Variants in EDEM2 observed in about 807,000 individuals in gnomAD.
EDEM2 encodes ER degradation enhancing alpha-mannosidase like protein 2.
In EDEM2, 39 loss-of-function variants were observed where a neutral mutation model predicts 64.8. That is an observed-to-expected ratio of 0.60 (90% CI 0.47 to 0.79). EDEM2 has a LOEUF of 0.79. Ranked by LOEUF, EDEM2 falls within the 30% of genes least tolerant of loss-of-function variation. The pLI is 0.00. For synonymous variants in EDEM2, 296 were observed against 291.5 expected, an observed-to-expected ratio of 1.02 and a Z score of -0.16; for missense variants, 609 against 731.3, an observed-to-expected ratio of 0.83 and a Z score of 1.93.
chr20:35,145,946 G>C (rs1273353859), intron 2 of EDEM2, among the ~76,000 whole-genome samples: 1 of 144,682 alleles, frequency 6.9e-6, no homozygotes, highest in Non-Finnish European at 1.5e-5. Flanking sequence ...AGTTTGAAGT[G>C]AGCCAAGATC....
At position 35,115,706 on chromosome 20, in the gene EDEM2, G is replaced by T; in HGVS notation, c.1464C>A (p.Cys488Ter). 1 of 1,614,210 alleles carries T rather than the reference G, an allele frequency of 6.2e-7. No individual in the cohort carries two copies. ...CCCACTGCTCTTCCTTCAGCCTCTG[G>T]CAGCAGTGCAGGGCGGCAGGGTCGA... is the stretch of plus-strand genomic sequence containing the variant. ...HPIDPAALHC[C>*]QRLKEEQWEV... Residue 488 changes from cysteine to a stop codon, truncating the protein, a stop_gained, in exon 11 of 11, where the codon TGC becomes TGA. Transcript: ENST00000374492. LOFTEE classifies it high-confidence loss of function.
chr20:35,140,068 A>T (rs909230990), intron 4 of EDEM2, among the ~76,000 whole-genome samples: 2 of 152,254 alleles, frequency 1.3e-5, no homozygotes, highest in African/African-American at 4.8e-5. Context: ...CAGTTGAATA[A>T]AGACATTTTC....
rs751838689 is a variant in EDEM2, at chr20:35,131,636, T to C, written c.844+6A>G. On this transcript the variant is annotated splice_donor_region_variant and intron_variant, in intron 7 of 10. Transcript: ENST00000374492. ...GGGAAAAGCTCCCTTACTCTGCCATTTTTACCTAGGAACATGGCCATGAGC... is the reference window on the plus strand; with the variant it reads ...GGGAAAAGCTCCCTTACTCTGCCATCTTTACCTAGGAACATGGCCATGAGC... 3 of 1,611,844 alleles carry C rather than the reference T, an allele frequency of 1.9e-6. No homozygotes were observed. The East Asian group carries it at 6.7e-5, about 36-fold the overall frequency.
chr20:35,138,686 TCTC>T (rs1375970817), intron 4 of EDEM2, among the ~76,000 whole-genome samples: 1 of 151,750 alleles, frequency 6.6e-6, no homozygotes. Context: ...TTCACGCCGT[TCTC>T]CTGCCTCAGC....
At chr20:35,127,183 G>T (rs550943466) in intron 7 of EDEM2, among the ~76,000 whole-genome samples, 59 of 152,140 alleles carry the variant, frequency 3.9e-4, no homozygotes, top group Non-Finnish European at 7.3e-4. Context: ...CTTCCGCCAC[G>T]ATTGTGAGGC....
At chr20:35,128,198 C>T (rs184225038) in intron 7 of EDEM2, among the ~76,000 whole-genome samples, 9 of 152,016 alleles carry the variant, frequency 5.9e-5, no homozygotes, top group East Asian at 5.8e-4. Flanking sequence ...CTGCCTAACA[C>T]GGTGAAACCC....
At chr20:35,145,068 G>A (rs765597966) in intron 2 of EDEM2, 50 bp from the exon 3 acceptor site, 12 of 1,596,636 alleles carry the variant, frequency 7.5e-6, no homozygotes, top group Non-Finnish European at 1.0e-5. Context: ...TCAAATACCA[G>A]ATATTATGGC....
intron 10 of EDEM2, among the ~76,000 whole-genome samples, chr20:35,118,220 G>A (rs1022846388): frequency 3.9e-5 from 6 of 152,168 alleles, no homozygotes; most frequent in African/African-American, 1.4e-4. Context: ...TCCCAGGTTT[G>A]AATATAGGGC....
chr20:35,121,060 C>T (rs982009762), intron 9 of EDEM2, among the ~76,000 whole-genome samples: 1 of 152,190 alleles, frequency 6.6e-6, no homozygotes, highest in African/African-American at 2.4e-5. Flanking sequence ...GCACCAGGGA[C>T]CAGTTTCATG....
At position 35,127,350 on chromosome 20, in the gene EDEM2, C is replaced by T. The variant is rs533116635; in HGVS notation, c.845-975G>A. ...GTCATTTATTTATACCACAAACATT[C>T]GCTAAGCACCTACTAGGTTCCAGGC... On this transcript the variant is annotated intron_variant, in intron 7 of 10. Coordinates refer to ENST00000374492, the MANE Select transcript of EDEM2 (RefSeq NM_018217.3). Among the ~76,000 whole-genome samples, 21 of 152,302 alleles carry T rather than the reference C, an allele frequency of 1.4e-4. No individual in the cohort carries two copies. The East Asian group carries it at 2.5e-3, about 18-fold the overall frequency.
In EDEM2 at chr20:35,142,443, A is replaced by C. The variant is rs755229780; in HGVS notation, c.294T>G (p.Val98=). 6.2e-7 allele frequency: 1 copy of C among 1,614,052 alleles called. No homozygotes were observed. The highest frequency in any genetic ancestry group is 8.5e-7 in the Non-Finnish European group (1 of 1,180,010). Reference sequence around the variant, plus strand: ...AGTCCACGCTGTCCTGGAGCACTTCAACCACTCTTTGGAATTCTGAGACAT... The same window carrying C: ...AGTCCACGCTGTCCTGGAGCACTTCCACCACTCTTTGGAATTCTGAGACAT... The part of the protein sequence containing the change: ...LGNVSEFQRV[V]EVLQDSVDFD... Residue 98 remains valine, a synonymous_variant, in exon 4 of 11, where the codon GTT becomes GTG. Transcript: ENST00000374492.
At chr20:35,143,345 C>G (rs753595682) in intron 3 of EDEM2, among the ~76,000 whole-genome samples, 6 of 152,220 alleles carry the variant, frequency 3.9e-5, no homozygotes, top group Non-Finnish European at 7.3e-5. Context: ...TTTAGTCTCT[C>G]TCTTTCTGCC....
rs756158352 is a variant in EDEM2 at position 35,146,944 on chromosome 20, G to A, written c.108-9C>T. On this transcript the variant is annotated splice_polypyrimidine_tract_variant and intron_variant, in intron 1 of 10. Coordinates refer to ENST00000374492, the MANE Select transcript of EDEM2 (RefSeq NM_018217.3). ...TGGCCTTGACTCGCTCCCTGGGTGGGGGACGAGAAATCAGGCATGGGGCAA... is the reference window on the plus strand; with the variant it reads ...TGGCCTTGACTCGCTCCCTGGGTGGAGGACGAGAAATCAGGCATGGGGCAA... 1 of 1,611,734 alleles carries A rather than the reference G, an allele frequency of 6.2e-7. No individual in the cohort carries two copies. The highest frequency in any genetic ancestry group is 8.5e-7 in the Non-Finnish European group (1 of 1,178,914).
Position 35,118,670 on chromosome 20 carries a change from G to A in EDEM2, c.1164C>T (p.Thr388=). The change falls in exon 10 of 11, where the codon ACC becomes ACT. Residue 388 remains threonine, a synonymous_variant. Transcript: ENST00000374492. ...CAGCATCTCTTCCGAGTTCTAGGAG[G>A]GTGGGATCCCCCGTGGCACGGTAGA... is the stretch of plus-strand genomic sequence containing the variant. The part of the protein sequence containing the change: ...MYLYRATGDP[T]LLELGRDAVE... The A allele has an allele frequency of 6.2e-7, 1 of 1,613,630 alleles. No individual in the cohort carries two copies. The highest frequency in any genetic ancestry group is 1.1e-5 in the South Asian group (1 of 91,066).
chr20:35,125,424 A>T (rs1379116560), intron 8 of EDEM2, among the ~76,000 whole-genome samples: 2 of 151,816 alleles, frequency 1.3e-5, no homozygotes, highest in Non-Finnish European at 2.9e-5. Context: ...TTGCTCTGTC[A>T]TCCAGGCTGG....
Position 35,137,947 on chromosome 20 carries a change from C to T in EDEM2, c.423G>A (p.Glu141=). ...GAGGCCCGGAACAGGGCCATCCAGC[C>T]TCTACTTCCACCCCAGCCTTCTTGG... ...LLSKKAGVEV[E]AGWPCSGPLL... is the part of the protein sequence containing the mutation. Residue 141 remains glutamate (E), a synonymous_variant, in exon 5 of 11, where the codon GAG becomes GAA. Transcript: ENST00000374492. The T allele has an allele frequency of 6.2e-7, 1 of 1,614,220 alleles. No homozygotes were observed. The highest frequency in any genetic ancestry group is 8.5e-7 in the Non-Finnish European group (1 of 1,180,036).
intron 3 of EDEM2, among the ~76,000 whole-genome samples, chr20:35,143,972 G>A (rs1223780242): frequency 2.0e-5 from 3 of 152,094 alleles, no homozygotes; most frequent in Admixed American, 6.5e-5. Context: ...GCAGTGGTGC[G>A]ATCTCGGCTC....
At chr20:35,144,408 A>G (rs2146117387) in intron 3 of EDEM2, among the ~76,000 whole-genome samples, 2 of 152,288 alleles carry the variant, frequency 1.3e-5, no homozygotes, top group South Asian at 4.1e-4. Context: ...ATCTCGGCTC[A>G]CTGCAACCTC....
intron 5 of EDEM2, among the ~76,000 whole-genome samples, chr20:35,135,974 T>C (rs1261352007): frequency 6.6e-6 from 1 of 152,096 alleles, no homozygotes; most frequent in Admixed American, 6.5e-5. Flanking sequence ...AGACGAGAAC[T>C]GGACAACCAG....
Sources: gnomAD v4.1 joint callset for allele counts (sites outside exome capture counted in the v4.1 genomes callset) on GRCh38, gnomAD v4.1.1 for gene constraint, MANE v1.5 for transcripts, NCBI Gene and HGNC (gene_info 2026-07-23, HGNC 2026-07-21) for gene names.